Variants in NDUFAF7 observed in about 807,000 individuals in gnomAD.
NDUFAF7 encodes the protein NADH:ubiquinone oxidoreductase complex assembly factor 7.
In NDUFAF7, 48 loss-of-function variants were observed where a neutral mutation model predicts 47.2. The ratio of observed to expected loss-of-function variants is 1.02; its 90% CI spans 0.81 to 1.29. NDUFAF7 has a LOEUF of 1.29. Ranked by LOEUF, NDUFAF7 falls within the 50% of genes most tolerant of loss-of-function variation. The probability of loss-of-function intolerance (pLI) is 0.00; values close to 1 mark genes in which losing one functional copy is unlikely to be tolerated. For missense variants in NDUFAF7, 635 were observed against 537.6 expected (o/e 1.18, Z -1.79); for synonymous variants, 217 against 190.0 (o/e 1.14, Z -1.17).
downstream of NDUFAF7, chr2:37,256,773 C>A (rs1274796124): frequency 6.2e-7 from 1 of 1,612,824 alleles, no homozygotes. Flanking sequence ...CTGAGGCTCA[C>A]ATAGATGATA....
chr2:37,254,056 G>A (rs1667740168), downstream of NDUFAF7: 1 of 629,402 alleles, frequency 1.6e-6, no homozygotes, highest in Non-Finnish European at 2.8e-6. Flanking sequence ...ATGCTGTATG[G>A]TTTCCAGAGA....
In NDUFAF7 at chr2:37,248,993, A is replaced by C. The variant is rs1572577071; in HGVS notation, c.*643A>C. The C allele has an allele frequency of 6.5e-6, 1 of 153,400 alleles. No homozygotes were observed. The highest frequency in any genetic ancestry group is 6.5e-5 in the Admixed American group (1 of 15,494). The allele number at this position is 153,400 out of a possible 1,614,324, so 9.5% of individuals were successfully genotyped here. Reference sequence around the variant, plus strand: ...CTAAATGGCTATTCACAGGAAACTGATAAGATATATGTTATTTTTTTAAAT... The same window carrying C: ...CTAAATGGCTATTCACAGGAAACTGCTAAGATATATGTTATTTTTTTAAAT... On this transcript the variant is annotated 3_prime_UTR_variant, in exon 10 of 10. Transcript: ENST00000002125.
At position 37,248,585 on chromosome 2, in the gene NDUFAF7, AC is replaced by A; in HGVS notation, c.*236del. 1.9e-6 allele frequency: 1 copy of A among 536,066 alleles called. No homozygotes were observed. Among genetic ancestry groups the A allele is most frequent in the Non-Finnish European group, 3.3e-6 (1 of 299,428 alleles). The allele number at this position is 536,066 out of a possible 1,614,324, so 33.2% of individuals were successfully genotyped here. On this transcript the variant is annotated 3_prime_UTR_variant, in exon 10 of 10. Coordinates refer to ENST00000002125, the MANE Select transcript of NDUFAF7 (RefSeq NM_144736.5). ...TGTGAAACTGAGTTTCCTTTAACTT[AC>A]AAAGCTAGTTGCCATATTTCTATTT...
downstream of NDUFAF7, among the ~76,000 whole-genome samples, chr2:37,256,388 G>C (rs1667938377): frequency 6.6e-6 from 1 of 152,184 alleles, no homozygotes; most frequent in Non-Finnish European, 1.5e-5. Flanking sequence ...GAGTTTAACA[G>C]GTAAGACAGT....
At position 37,231,682 on chromosome 2, in the gene NDUFAF7, G is replaced by C; in HGVS notation, c.-24G>C. The C allele has an allele frequency of 6.2e-7, 1 of 1,614,204 alleles. No homozygotes were observed. The highest frequency in any genetic ancestry group is 1.1e-5 in the South Asian group (1 of 91,084). On this transcript the variant is annotated 5_prime_UTR_variant, in exon 1 of 10. Coordinates refer to ENST00000002125, the MANE Select transcript of NDUFAF7 (RefSeq NM_144736.5). ...GGTCTAAGCCCCAGCTCCTGGCGGA[G>C]CGAGCTAGCCTGCGAATTTCAGCAT... is the stretch of plus-strand genomic sequence containing the variant.
the NDUFAF7 span, chr2:37,267,582 T>TG: frequency 1.5e-6 from 2 of 1,350,502 alleles, no homozygotes; most frequent in Non-Finnish European, 2.1e-6. Context: ...AACTGACAGC[T>TG]TTATTAGGGA....
chr2:37,269,423 A>C, the NDUFAF7 span: 2 of 575,032 alleles, frequency 3.5e-6, no homozygotes, highest in Non-Finnish European at 6.2e-6. Flanking sequence ...GTTAATTTTT[A>C]AAGTTTGCAA....
intron 7 of NDUFAF7, among the ~76,000 whole-genome samples, chr2:37,244,578 A>G (rs1666715124): frequency 6.6e-6 from 1 of 150,864 alleles, no homozygotes; most frequent in African/African-American, 2.4e-5. Flanking sequence ...GTACAAAAAA[A>G]TCCCTGTACT....
At chr2:37,253,877 ATCTCT>A (rs1667721008), downstream of NDUFAF7, among the ~76,000 whole-genome samples, 1 of 152,232 alleles carries the variant, frequency 6.6e-6, no homozygotes, top group Non-Finnish European at 1.5e-5. Flanking sequence ...TTTTTAAAAA[ATCTCT>A]TCAATGCAAA....
downstream of NDUFAF7, chr2:37,256,627 AATTTTTTTT>A: frequency 2.4e-6 from 3 of 1,247,306 alleles, no homozygotes; most frequent in Non-Finnish European, 2.1e-6. Context: ...ACATAGCCAA[AATTTTTTTT>A]TTTTTTTTTT....
At position 37,248,150 on chromosome 2, in the gene NDUFAF7, T is replaced by C. The variant is rs879275751; in HGVS notation, c.1126T>C (p.Ser376Pro). 1 of 1,613,572 alleles carries C rather than the reference T, an allele frequency of 6.2e-7. No individual in the cohort carries two copies. The highest frequency in any genetic ancestry group is 1.1e-5 in the South Asian group (1 of 91,068). The part of the protein sequence containing the change: ...DVRLKVLLDK[S>P]NEPSVRQQLL... ...TTCTTTTCAGGTTCTTTTAGATAAA[T>C]CAAATGAGCCATCAGTGAGGCAGCA... The change falls in exon 10 of 10, where the codon TCA becomes CCA. Residue 376 changes from serine to proline, a missense_variant. Coordinates refer to ENST00000002125, the MANE Select transcript of NDUFAF7 (RefSeq NM_144736.5).
chr2:37,255,084 C>T (rs1198028491), downstream of NDUFAF7, among the ~76,000 whole-genome samples: 2 of 152,188 alleles, frequency 1.3e-5, no homozygotes, highest in Non-Finnish European at 2.9e-5. Flanking sequence ...TGTCTCTATA[C>T]TACCAAACTA....
the NDUFAF7 span, among the ~76,000 whole-genome samples, chr2:37,271,020 AG>A: frequency 6.6e-6 from 1 of 152,192 alleles, no homozygotes; most frequent in Non-Finnish European, 1.5e-5. Context: ...ACCTCTCAAC[AG>A]GACAAGAGAC....
the NDUFAF7 span, among the ~76,000 whole-genome samples, chr2:37,259,046 C>T: frequency 1.1e-5 from 1 of 94,408 alleles, no homozygotes; most frequent in Non-Finnish European, 2.3e-5. Context: ...TCAAGATGAA[C>T]ACTTGGAAAA....
intron 8 of NDUFAF7, 33 bp from the exon 9 acceptor site, chr2:37,247,423 A>G (rs777633869): frequency 1.2e-6 from 2 of 1,613,332 alleles, no homozygotes; most frequent in Non-Finnish European, 1.7e-6. Flanking sequence ...AATAACCATA[A>G]AAGGGCAAAA....
At chr2:37,238,629 A>T (rs1486299968) in intron 4 of NDUFAF7, among the ~76,000 whole-genome samples, 1 of 152,012 alleles carries the variant, frequency 6.6e-6, no homozygotes, top group Non-Finnish European at 1.5e-5. Flanking sequence ...AAAGCAAAAG[A>T]TTAATATTTC....
chr2:37,268,205 A>G, the NDUFAF7 span: 5 of 416,116 alleles, frequency 1.2e-5, no homozygotes, highest in East Asian at 7.1e-5. Context: ...ATAGCTATTT[A>G]TTTTAGATTA....
intron 2 of NDUFAF7, among the ~76,000 whole-genome samples, chr2:37,232,919 A>G (rs936254054): frequency 6.6e-6 from 1 of 152,208 alleles, no homozygotes; most frequent in African/African-American, 2.4e-5. Context: ...GGGTTGAAAT[A>G]TGACCTCTGT....
intron 8 of NDUFAF7, 193 bp from the exon 9 acceptor site, chr2:37,247,263 G>T: frequency 1.5e-6 from 1 of 656,118 alleles, no homozygotes; most frequent in South Asian, 2.0e-5. Flanking sequence ...GTGTATCTCA[G>T]GTGATTCTGA....
Sources: gnomAD v4.1 joint callset for allele counts (sites outside exome capture counted in the v4.1 genomes callset) on GRCh38, gnomAD v4.1.1 for gene constraint, MANE v1.5 for transcripts, NCBI Gene and HGNC (gene_info 2026-07-23, HGNC 2026-07-21) for gene names.